Variants in PCMTD1 observed in about 807,000 individuals in gnomAD.
PCMTD1 encodes the protein protein-L-isoaspartate (D-aspartate) O-methyltransferase domain containing 1.
A neutral mutation model predicts 37.6 loss-of-function variants in PCMTD1; 12 were observed. The observed-to-expected ratio is 0.32, with a 90% CI of 0.20 to 0.52. The LOEUF is 0.52. Among genes scored for constraint, PCMTD1 ranks in the 20% least tolerant of loss-of-function variants. PCMTD1 has a pLI of 0.97. For synonymous variants in PCMTD1, 117 were observed against 135.8 expected (o/e 0.86, Z 0.96); for missense variants, 235 against 421.3 (o/e 0.56, Z 3.87).
At chr8:51,866,652 A>G (rs1055162309) in intron 1 of PCMTD1, among the ~76,000 whole-genome samples, 2 of 152,024 alleles carry the variant, frequency 1.3e-5, no homozygotes, top group African/African-American at 4.8e-5. Flanking sequence ...AGATTTAAAT[A>G]TAAGACCTGA....
intron 3 of PCMTD1, among the ~76,000 whole-genome samples, chr8:51,842,065 G>C (rs1201740854): frequency 6.6e-6 from 1 of 152,080 alleles, no homozygotes; most frequent in Non-Finnish European, 1.5e-5. Flanking sequence ...TGTTTCAGAG[G>C]ACCCTTGAAA....
At chr8:51,880,300 C>G (rs1192016252) in intron 1 of PCMTD1, among the ~76,000 whole-genome samples, 2 of 152,036 alleles carry the variant, frequency 1.3e-5, no homozygotes, top group Non-Finnish European at 2.9e-5. Flanking sequence ...TATGCCCAAC[C>G]TCAGTGGCAA....
intron 2 of PCMTD1, among the ~76,000 whole-genome samples, chr8:51,851,860 G>A (rs2038312840): frequency 6.6e-6 from 1 of 152,000 alleles, no homozygotes; most frequent in Non-Finnish European, 1.5e-5. Context: ...ATGTTGGTCA[G>A]GCTGGTCTCG....
At chr8:51,860,689 T>G (rs1241848661) in intron 2 of PCMTD1, 156 bp downstream of exon 2, 1 of 627,102 alleles carries the variant, frequency 1.6e-6, no homozygotes, top group Non-Finnish European at 2.7e-6. Context: ...AAAAGATTAC[T>G]ACTACTTTGT....
chr8:51,844,701 A>G (rs1264624858), intron 3 of PCMTD1: 1 of 152,226 alleles, frequency 6.6e-6, no homozygotes, highest in Non-Finnish European at 1.5e-5. Context: ...GATATTCACA[A>G]GGTTTTTTAG....
chr8:51,822,365 G>A (rs200797614), intron 5 of PCMTD1, among the ~76,000 whole-genome samples: 2 of 150,358 alleles, frequency 1.3e-5, no homozygotes, highest in Non-Finnish European at 1.5e-5. Context: ...ATGAGGGAGG[G>A]AAAAAAAAAT....
At position 51,819,766 on chromosome 8, in the gene PCMTD1, G is replaced by A. The variant is rs2037816764; in HGVS notation, c.*585C>T. The A allele has an allele frequency of 6.6e-6, 1 of 152,544 alleles. No individual in the cohort carries two copies. Among genetic ancestry groups the A allele is most frequent in the African/African-American group, 2.4e-5 (1 of 41,422 alleles). The allele number at this position is 152,544 out of a possible 1,614,324, so 9.4% of individuals were successfully genotyped here. ...AAGAGATTCAAAAGCAAAAGTAGCAGGGCTGTAAAATTTCATAAAATTTGT... is the reference window on the plus strand; with the variant it reads ...AAGAGATTCAAAAGCAAAAGTAGCAAGGCTGTAAAATTTCATAAAATTTGT... On this transcript the variant is annotated 3_prime_UTR_variant, in exon 6 of 6. Transcript: ENST00000522514.
chr8:51,880,172 C>G (rs2038771974), intron 1 of PCMTD1, among the ~76,000 whole-genome samples: 1 of 151,148 alleles, frequency 6.6e-6, no homozygotes, highest in Admixed American at 6.6e-5. Context: ...TGCACTCCAG[C>G]CTGGGCAACA....
chr8:51,826,622 T>C (rs1175557667), intron 5 of PCMTD1, among the ~76,000 whole-genome samples: 1 of 152,186 alleles, frequency 6.6e-6, no homozygotes, highest in Non-Finnish European at 1.5e-5. Flanking sequence ...GTATGTAGAT[T>C]GTATAGGAGC....
Position 51,833,520 on chromosome 8 carries a change from G to A in PCMTD1, c.580C>T (p.Gln194Ter), listed in dbSNP as rs760065130. Residue 194 changes from glutamine to a stop codon, truncating the protein, a stop_gained and splice_region_variant, in exon 4 of 6, where the codon CAG (glutamine) becomes TAG (stop). Transcript: ENST00000522514. LOFTEE classifies it high-confidence loss of function. ...AAGAAAAGGAGAGTGGAAGTTACCTGATCCTCTATAGGCATGACTAATATG... is the reference window on the plus strand; with the variant it reads ...AAGAAAAGGAGAGTGGAAGTTACCTAATCCTCTATAGGCATGACTAATATG... ...GGILVMPIEDQLTQIMRTGQN... is the reference protein window; with the variant it reads ...GGILVMPIED 3 of 1,603,246 alleles carry A rather than the reference G, an allele frequency of 1.9e-6. No homozygotes were observed. The highest frequency in any genetic ancestry group is 2.6e-6 in the Non-Finnish European group (3 of 1,175,464).
At chr8:51,889,210 C>T (rs2038905270) in intron 1 of PCMTD1, among the ~76,000 whole-genome samples, 2 of 152,088 alleles carry the variant, frequency 1.3e-5, no homozygotes, top group South Asian at 2.1e-4. Context: ...AGGTTAGGTC[C>T]GTCACTTTCT....
intron 5 of PCMTD1, among the ~76,000 whole-genome samples, chr8:51,822,134 CA>C (rs2037857853): frequency 6.6e-6 from 1 of 152,074 alleles, no homozygotes; most frequent in South Asian, 2.1e-4. Flanking sequence ...ATCTTGCGGG[CA>C]GAGGGAACCT....
chr8:51,820,073 A>C lies in PCMTD1; in HGVS notation c.*278T>G, dbSNP rs1268506058. 8.9e-6 allele frequency: 2 copies of C among 223,798 alleles called. No individual in the cohort carries two copies. The highest frequency in any genetic ancestry group is 4.6e-5 in the African/African-American group (2 of 43,916). 13.9% of individuals were successfully genotyped at this position (223,798 alleles called of 1,614,324 possible). ...CAAATCTGTAAGGAATCAGAAAAGGATTTATAGTACACAAGTCTTGACTAC... is the reference window on the plus strand; with the variant it reads ...CAAATCTGTAAGGAATCAGAAAAGGCTTTATAGTACACAAGTCTTGACTAC... On this transcript the variant is annotated 3_prime_UTR_variant, in exon 6 of 6. Coordinates refer to ENST00000522514, the MANE Select transcript of PCMTD1 (RefSeq NM_052937.4).
intron 2 of PCMTD1, chr8:51,850,077 G>A (rs1334633639): frequency 2.8e-6 from 2 of 702,204 alleles, no homozygotes; most frequent in African/African-American, 1.7e-5. Context: ...AGGACTCTGA[G>A]GTCAAAATAC....
chr8:51,874,312 A>G (rs996502219), intron 1 of PCMTD1, among the ~76,000 whole-genome samples: 1 of 152,214 alleles, frequency 6.6e-6, no homozygotes, highest in Non-Finnish European at 1.5e-5. Flanking sequence ...ACTACAGTTC[A>G]GAACTTCCCC....
intron 3 of PCMTD1, among the ~76,000 whole-genome samples, chr8:51,834,603 CTAT>C (rs34559226): frequency 0.69 from 104,170 of 151,754 alleles, 42,212 homozygotes; most frequent in Non-Finnish European, 0.9. Flanking sequence ...CAAAAGCACA[CTAT>C]TATTTGAGGA....
chr8:51,835,121 A>T (rs2038051320), intron 3 of PCMTD1, among the ~76,000 whole-genome samples: 1 of 152,200 alleles, frequency 6.6e-6, no homozygotes, highest in South Asian at 2.1e-4. Flanking sequence ...GCCTGAACGT[A>T]CTACTCTGCA....
chr8:51,828,143 T>C (rs1455200120), intron 5 of PCMTD1, among the ~76,000 whole-genome samples: 2 of 152,208 alleles, frequency 1.3e-5, no homozygotes, highest in Non-Finnish European at 2.9e-5. Flanking sequence ...GATAAACAGC[T>C]GCTGCACAGA....
chr8:51,890,142 T>C (rs915464352), intron 1 of PCMTD1, among the ~76,000 whole-genome samples: 1 of 152,202 alleles, frequency 6.6e-6, no homozygotes, highest in African/African-American at 2.4e-5. Context: ...GATATTTATA[T>C]AGATCATTGT....
Sources: allele counts gnomAD v4.1 joint callset (sites outside exome capture counted in the v4.1 genomes callset), GRCh38; gene constraint gnomAD v4.1.1; transcripts MANE v1.5; gene names NCBI Gene and HGNC (gene_info 2026-07-23, HGNC 2026-07-21).